GNB4: variants seen among roughly 807,000 people sequenced by gnomAD.
GNB4 encodes the protein G protein subunit beta 4.
GNB4 carries 28 observed loss-of-function variants against 45.2 expected under a neutral mutation model. That is an observed-to-expected ratio of 0.62 (90% CI 0.46 to 0.85). The LOEUF (loss-of-function observed/expected upper bound fraction) is 0.85, where lower values mean the gene tolerates loss of function less well. Ranked by LOEUF, GNB4 falls within the 40% of genes least tolerant of loss-of-function variation. The pLI, the probability that GNB4 is intolerant of heterozygous loss-of-function variation, is 0.00. For missense variants in GNB4, 321 were observed against 425.4 expected, an observed-to-expected ratio of 0.75 and a Z score of 2.16; for synonymous variants, 132 against 143.7, an observed-to-expected ratio of 0.92 and a Z score of 0.58.
At chr3:179,491,548 G>A in the GNB4 span, among the ~76,000 whole-genome samples, 6 of 152,180 alleles carry the variant, frequency 3.9e-5, no homozygotes, top group African/African-American at 1.2e-4. Context: ...TCTTGTAAAA[G>A]TCCATATGGA....
At chr3:179,468,670 T>C in the GNB4 span, among the ~76,000 whole-genome samples, 2 of 152,164 alleles carry the variant, frequency 1.3e-5, no homozygotes, top group Admixed American at 1.3e-4. Flanking sequence ...GCAGATTCTT[T>C]GTAGCAGTAA....
chr3:179,411,756 T>G (rs1714660117), intron 8 of GNB4, among the ~76,000 whole-genome samples: 2 of 152,246 alleles, frequency 1.3e-5, no homozygotes, highest in African/African-American at 4.8e-5. Context: ...CTTTCTCTGA[T>G]GTTTTCTATA....
the GNB4 span, among the ~76,000 whole-genome samples, chr3:179,480,494 C>G: frequency 6.6e-6 from 1 of 152,084 alleles, no homozygotes. Flanking sequence ...AATTAGCTGC[C>G]ATCATTCTCA....
the GNB4 span, among the ~76,000 whole-genome samples, chr3:179,485,141 G>A: frequency 1.3e-5 from 2 of 150,510 alleles, no homozygotes; most frequent in South Asian, 2.1e-4. Context: ...CTCCCAAGTC[G>A]CTGGGACTAC....
At chr3:179,485,591 G>T in the GNB4 span, among the ~76,000 whole-genome samples, 2 of 152,150 alleles carry the variant, frequency 1.3e-5, no homozygotes, top group Non-Finnish European at 2.9e-5. Context: ...ACCAGTACTA[G>T]GTGGAGTGTA....
chr3:179,525,910 G>T, the GNB4 span, among the ~76,000 whole-genome samples: 1 of 152,226 alleles, frequency 6.6e-6, no homozygotes, highest in Non-Finnish European at 1.5e-5. Flanking sequence ...GTGAGGACAG[G>T]GGACCGGTCT....
At chr3:179,493,321 T>C in the GNB4 span, among the ~76,000 whole-genome samples, 2 of 151,934 alleles carry the variant, frequency 1.3e-5, no homozygotes, top group African/African-American at 2.4e-5. Flanking sequence ...GATAGACAAC[T>C]AAGTGAAATT....
At chr3:179,470,934 C>T in the GNB4 span, among the ~76,000 whole-genome samples, 3 of 152,112 alleles carry the variant, frequency 2.0e-5, no homozygotes, top group Non-Finnish European at 4.4e-5. Flanking sequence ...AATCCCAGCA[C>T]TTTGGGAGAC....
At chr3:179,509,587 G>A in the GNB4 span, among the ~76,000 whole-genome samples, 2 of 151,116 alleles carry the variant, frequency 1.3e-5, no homozygotes, top group African/African-American at 2.4e-5. Context: ...CTGTTGCCCT[G>A]TCCCACCTGG....
At chr3:179,516,178 T>C in the GNB4 span, among the ~76,000 whole-genome samples, 1 of 152,140 alleles carries the variant, frequency 6.6e-6, no homozygotes, top group African/African-American at 2.4e-5. Flanking sequence ...AGACCATTAG[T>C]CCATTTTACC....
At chr3:179,522,588 C>T in the GNB4 span, among the ~76,000 whole-genome samples, 4 of 152,028 alleles carry the variant, frequency 2.6e-5, no homozygotes, top group Non-Finnish European at 5.9e-5. Flanking sequence ...GATAGTGGAG[C>T]GGGGAAGAGC....
chr3:179,513,461 G>A, the GNB4 span, among the ~76,000 whole-genome samples: 1 of 152,214 alleles, frequency 6.6e-6, no homozygotes, highest in Non-Finnish European at 1.5e-5. Flanking sequence ...TGGGATTACA[G>A]GCATGAGCCA....
the GNB4 span, among the ~76,000 whole-genome samples, chr3:179,469,072 C>T: frequency 6.6e-6 from 1 of 152,138 alleles, no homozygotes; most frequent in Non-Finnish European, 1.5e-5. Context: ...TTGAATCCAC[C>T]TATGAACTGG....
At chr3:179,402,616 G>A (rs894938551) in intron 9 of GNB4, among the ~76,000 whole-genome samples, 1 of 152,182 alleles carries the variant, frequency 6.6e-6, no homozygotes, top group African/African-American at 2.4e-5. Flanking sequence ...ATGAGAGCAG[G>A]CAATGGCAAC....
At chr3:179,444,590 T>C (rs1410119205) in intron 1 of GNB4, among the ~76,000 whole-genome samples, 1 of 152,082 alleles carries the variant, frequency 6.6e-6, no homozygotes, top group Admixed American at 6.6e-5. Flanking sequence ...CATGCACCTA[T>C]AGTCCCAGAT....
the GNB4 span, among the ~76,000 whole-genome samples, chr3:179,504,155 C>T: frequency 2.0e-4 from 31 of 152,008 alleles, no homozygotes; most frequent in Admixed American, 1.9e-3. Context: ...CTTGCTTTTT[C>T]GTGAGTCTGC....
the GNB4 span, among the ~76,000 whole-genome samples, chr3:179,479,878 G>T: frequency 1.3e-5 from 2 of 152,212 alleles, no homozygotes; most frequent in African/African-American, 4.8e-5. Context: ...AAAAACATAA[G>T]TGTATACCAA....
At chr3:179,442,812 A>T (rs2108619151) in intron 1 of GNB4, among the ~76,000 whole-genome samples, 1 of 152,200 alleles carries the variant, frequency 6.6e-6, no homozygotes, top group East Asian at 1.9e-4. Flanking sequence ...AAAAAATTTT[A>T]GAGGTGGGGT....
chr3:179,459,464 T>C, the GNB4 span, among the ~76,000 whole-genome samples: 1 of 152,060 alleles, frequency 6.6e-6, no homozygotes, highest in Non-Finnish European at 1.5e-5. Context: ...GGGCGGATTA[T>C]CTGAGGTCAG....
Sources: gnomAD v4.1 joint callset for allele counts (sites outside exome capture counted in the v4.1 genomes callset) on GRCh38, gnomAD v4.1.1 for gene constraint, MANE v1.5 for transcripts, NCBI Gene and HGNC (gene_info 2026-07-23, HGNC 2026-07-21) for gene names.